ST7: variants seen among roughly 807,000 people sequenced by gnomAD.
The protein encoded by ST7 is suppressor of tumorigenicity 7 protein.
ST7 carries 28 observed loss-of-function variants against 78.7 expected under a neutral mutation model. The ratio of observed to expected loss-of-function variants is 0.36; its 90% CI spans 0.26 to 0.49. ST7 has a LOEUF of 0.49. ST7 is among the 20% of genes least tolerant of loss of function. The pLI, the probability that ST7 is intolerant of heterozygous loss-of-function variation, is 0.99. For missense variants in ST7, 418 were observed against 696.0 expected (o/e 0.60, Z 4.49); for synonymous variants, 247 against 249.6 (o/e 0.99, Z 0.10).
chr7:117,002,924 G>C (rs1428620714), intron 1 of ST7, among the ~76,000 whole-genome samples: 1 of 130,212 alleles, frequency 7.7e-6, no homozygotes, highest in Non-Finnish European at 1.5e-5. Context: ...CCAGGTTCAA[G>C]CAATTCTTCT....
At chr7:116,967,792 C>G (rs940186747) in intron 1 of ST7, among the ~76,000 whole-genome samples, 5 of 152,184 alleles carry the variant, frequency 3.3e-5, no homozygotes, top group Non-Finnish European at 5.9e-5. Flanking sequence ...GTTGTGGCTC[C>G]TACTATAATA....
At chr7:117,056,726 CA>C (rs1798083314) in intron 1 of ST7, among the ~76,000 whole-genome samples, 1 of 152,010 alleles carries the variant, frequency 6.6e-6, no homozygotes, top group African/African-American at 2.4e-5. Context: ...AATCTTTACA[CA>C]AGGATCTTGA....
intron 2 of ST7, among the ~76,000 whole-genome samples, chr7:117,113,509 A>G (rs1802602309): frequency 6.6e-6 from 1 of 152,196 alleles, no homozygotes; most frequent in Non-Finnish European, 1.5e-5. Context: ...CTAATTGGCC[A>G]TGGGTTAGGC....
At chr7:117,192,346 C>T (rs1004045525) in intron 12 of ST7, among the ~76,000 whole-genome samples, 3 of 152,206 alleles carry the variant, frequency 2.0e-5, no homozygotes, top group East Asian at 1.9e-4. Context: ...GATTCTGAGG[C>T]GAAAACTTGT....
At chr7:117,136,273 A>T in intron 8 of ST7, 38 bp downstream of exon 8, 1 of 1,613,004 alleles carries the variant, frequency 6.2e-7, no homozygotes, top group South Asian at 1.1e-5. Flanking sequence ...GGGGGATCAG[A>T]ATTGTAAAAA....
intron 2 of ST7, chr7:117,118,394 T>G (rs534095484): frequency 6.6e-6 from 1 of 152,354 alleles, no homozygotes; most frequent in South Asian, 2.1e-4. Flanking sequence ...TGGAAACATT[T>G]CGTTTGATTA....
At chr7:117,080,734 G>T (rs1368710603) in intron 1 of ST7, 1 of 152,204 alleles carries the variant, frequency 6.6e-6, no homozygotes, top group South Asian at 2.1e-4. Flanking sequence ...CAAATTTCAG[G>T]CTTTTAATTT....
intron 1 of ST7, among the ~76,000 whole-genome samples, chr7:117,093,857 T>C (rs1800828406): frequency 6.6e-6 from 1 of 152,222 alleles, no homozygotes; most frequent in South Asian, 2.1e-4. Context: ...TAAAATTTTA[T>C]AGACAATGAA....
chr7:117,034,197 C>T (rs1482056930), intron 1 of ST7, among the ~76,000 whole-genome samples: 1 of 152,180 alleles, frequency 6.6e-6, no homozygotes, highest in Non-Finnish European at 1.5e-5. Context: ...CCTCGGCCTC[C>T]CAAAGTGCTG....
At chr7:117,160,309 A>G (rs1807033354) in intron 9 of ST7, among the ~76,000 whole-genome samples, 1 of 151,950 alleles carries the variant, frequency 6.6e-6, no homozygotes, top group Non-Finnish European at 1.5e-5. Context: ...TTGAAAATGT[A>G]CTATATCTGT....
intron 9 of ST7, among the ~76,000 whole-genome samples, chr7:117,147,899 TCA>T (rs1805939148): frequency 8.3e-6 from 1 of 120,582 alleles, no homozygotes; most frequent in Admixed American, 8.2e-5. Context: ...AAAGCATACA[TCA>T]TATGATATTG....
intron 1 of ST7, among the ~76,000 whole-genome samples, chr7:117,016,596 A>C (rs1435457924): frequency 6.6e-6 from 1 of 152,222 alleles, no homozygotes; most frequent in Non-Finnish European, 1.5e-5. Context: ...AGAAACTAAG[A>C]ACTTTAGTGT....
At chr7:117,029,153 C>T (rs1341008363) in intron 1 of ST7, among the ~76,000 whole-genome samples, 1 of 151,990 alleles carries the variant, frequency 6.6e-6, no homozygotes, top group Non-Finnish European at 1.5e-5. Context: ...CTAGGCATGC[C>T]ATTGTTGAGA....
At position 117,134,112 on chromosome 7, in the gene ST7, C is replaced by A; in HGVS notation, c.642-12C>A. The A allele has an allele frequency of 6.2e-7, 1 of 1,609,562 alleles. No homozygotes were observed. Among genetic ancestry groups the A allele is most frequent in the Non-Finnish European group, 8.5e-7 (1 of 1,177,952 alleles). On this transcript the variant is annotated splice_polypyrimidine_tract_variant and intron_variant, in intron 6 of 15. Transcript: ENST00000323984. ...TTTTCATTTTACCAACTATTTTTTT[C>A]TTCTTGGTCAGAATTAGGTCCAGAG...
At chr7:117,101,929 G>A (rs1344115548) in intron 2 of ST7, among the ~76,000 whole-genome samples, 1 of 152,152 alleles carries the variant, frequency 6.6e-6, no homozygotes, top group African/African-American at 2.4e-5. Context: ...TCCTTAAAAT[G>A]GGTTGAAATA....
chr7:117,033,956 G>C (rs548827929), intron 1 of ST7, among the ~76,000 whole-genome samples: 1 of 151,480 alleles, frequency 6.6e-6, no homozygotes, highest in African/African-American at 2.4e-5. Flanking sequence ...TCCTTTTTTT[G>C]TTTAGAGACA....
intron 1 of ST7, among the ~76,000 whole-genome samples, chr7:117,052,766 C>T (rs760890685): frequency 3.3e-5 from 5 of 152,172 alleles, no homozygotes; most frequent in Non-Finnish European, 7.3e-5. Context: ...TGGTGGCGGG[C>T]GTCTGTAGTC....
At chr7:117,091,582 C>T (rs920937884) in intron 1 of ST7, among the ~76,000 whole-genome samples, 3 of 152,236 alleles carry the variant, frequency 2.0e-5, no homozygotes, top group East Asian at 3.9e-4. Flanking sequence ...TATGAACAAT[C>T]GGGAAAGAAA....
intron 1 of ST7, among the ~76,000 whole-genome samples, chr7:117,088,543 G>A (rs185488973): frequency 1.3e-4 from 20 of 152,252 alleles, no homozygotes; most frequent in Non-Finnish European, 2.5e-4. Flanking sequence ...GTTGATTATT[G>A]TGAGTATTTT....
Sources: allele counts gnomAD v4.1 joint callset (sites outside exome capture counted in the v4.1 genomes callset), GRCh38; gene constraint gnomAD v4.1.1; transcripts MANE v1.5; gene names NCBI Gene and HGNC (gene_info 2026-07-23, HGNC 2026-07-21).